The following IMMP2L variants were observed in gnomAD, a reference collection of about 807,000 sequenced individuals.
IMMP2L encodes inner mitochondrial membrane peptidase subunit 2.
IMMP2L carries 18 observed loss-of-function variants against 19.3 expected under a neutral mutation model. That is an observed-to-expected ratio of 0.93 (90% CI 0.64 to 1.38). The LOEUF is 1.38. Ranked by LOEUF, IMMP2L falls within the 40% of genes most tolerant of loss-of-function variation. The pLI is 0.00. For missense variants in IMMP2L, 233 were observed against 218.2 expected (o/e 1.07, Z -0.43); for synonymous variants, 76 against 73.0 (o/e 1.04, Z -0.21).
At chr7:111,534,541 TA>T (rs1197977333) in intron 1 of IMMP2L, among the ~76,000 whole-genome samples, 4 of 152,170 alleles carry the variant, frequency 2.6e-5, no homozygotes, top group African/African-American at 9.6e-5. Context: ...AATTTCACTT[TA>T]TGCTTTATAT....
At chr7:110,692,142 T>C (rs1159450192) in intron 5 of IMMP2L, among the ~76,000 whole-genome samples, 2 of 152,124 alleles carry the variant, frequency 1.3e-5, no homozygotes, top group African/African-American at 4.8e-5. Context: ...CACCATGGAA[T>C]ACTACTCAGC....
chr7:111,332,975 G>C (rs1381562107), intron 3 of IMMP2L, among the ~76,000 whole-genome samples: 1 of 152,022 alleles, frequency 6.6e-6, no homozygotes, highest in African/African-American at 2.4e-5. Context: ...AGATCCCTTA[G>C]GGTGTCTCTT....
chr7:111,269,522 T>G (rs1818216660), intron 3 of IMMP2L, among the ~76,000 whole-genome samples: 1 of 152,132 alleles, frequency 6.6e-6, no homozygotes, highest in Non-Finnish European at 1.5e-5. Context: ...ATCTTATAAT[T>G]AAAAAATAAA....
chr7:111,018,990 C>G (rs1382031672), intron 3 of IMMP2L, among the ~76,000 whole-genome samples: 1 of 151,976 alleles, frequency 6.6e-6, no homozygotes, highest in Admixed American at 6.6e-5. Flanking sequence ...CATATTCAAG[C>G]TAGCTAGGGG....
intron 5 of IMMP2L, among the ~76,000 whole-genome samples, chr7:110,729,379 C>T (rs990461049): frequency 2.0e-5 from 3 of 152,066 alleles, no homozygotes; most frequent in African/African-American, 4.8e-5. Flanking sequence ...GGAGAAACTG[C>T]CAAACACTTT....
chr7:110,751,042 A>T (rs1384497283), intron 5 of IMMP2L, among the ~76,000 whole-genome samples: 1 of 152,028 alleles, frequency 6.6e-6, no homozygotes, highest in Non-Finnish European at 1.5e-5. Context: ...AAGAAGATAA[A>T]CCTTTTCAGT....
At chr7:111,086,386 T>C (rs982741558) in intron 3 of IMMP2L, among the ~76,000 whole-genome samples, 1 of 151,892 alleles carries the variant, frequency 6.6e-6, no homozygotes, top group African/African-American at 2.4e-5. Flanking sequence ...GTTATTGCAG[T>C]GAACTATGAT....
intron 3 of IMMP2L, among the ~76,000 whole-genome samples, chr7:111,290,262 T>A (rs2129639166): frequency 6.6e-6 from 1 of 152,310 alleles, no homozygotes. Flanking sequence ...GTGGGGCTGT[T>A]GAATCCTTTC....
At chr7:111,336,663 A>G (rs915305728) in intron 3 of IMMP2L, among the ~76,000 whole-genome samples, 2 of 151,932 alleles carry the variant, frequency 1.3e-5, no homozygotes, top group African/African-American at 2.4e-5. Flanking sequence ...CATTCTGCCT[A>G]TTTTGTTATA....
At chr7:110,721,701 T>C (rs867194852) in intron 5 of IMMP2L, among the ~76,000 whole-genome samples, 2 of 152,166 alleles carry the variant, frequency 1.3e-5, no homozygotes, top group African/African-American at 4.8e-5. Flanking sequence ...AGAATGGAAA[T>C]CTTTGCTACT....
chr7:110,944,865 A>C (rs1461882730), intron 4 of IMMP2L, among the ~76,000 whole-genome samples: 1 of 151,892 alleles, frequency 6.6e-6, no homozygotes, highest in Non-Finnish European at 1.5e-5. Context: ...AATGTACTAT[A>C]ATGTCCTTAA....
intron 3 of IMMP2L, among the ~76,000 whole-genome samples, chr7:111,110,140 A>G (rs117258951): frequency 1.4e-3 from 207 of 152,322 alleles, no homozygotes; most frequent in Middle Eastern, 3.4e-3. Flanking sequence ...GTCTCAAAAA[A>G]TAAAGTCTTT....
intron 3 of IMMP2L, among the ~76,000 whole-genome samples, chr7:111,053,829 A>C (rs959577738): frequency 6.6e-6 from 1 of 152,214 alleles, no homozygotes; most frequent in Non-Finnish European, 1.5e-5. Context: ...ACAAGACTTA[A>C]CAAGAAGGAA....
chr7:110,773,069 T>C (rs1203728810), intron 5 of IMMP2L, among the ~76,000 whole-genome samples: 11 of 151,998 alleles, frequency 7.2e-5, no homozygotes, highest in African/African-American at 2.4e-4. Context: ...CCCAAGGCAA[T>C]GTATAAATTC....
At chr7:111,482,941 G>A (rs1026694181) in intron 3 of IMMP2L, among the ~76,000 whole-genome samples, 10 of 152,186 alleles carry the variant, frequency 6.6e-5, no homozygotes, top group African/African-American at 2.2e-4. Flanking sequence ...ATATACTGAA[G>A]GTGACTAAAG....
chr7:110,883,431 A>C (rs1316387824), intron 5 of IMMP2L, among the ~76,000 whole-genome samples: 1 of 152,158 alleles, frequency 6.6e-6, no homozygotes, highest in East Asian at 1.9e-4. Flanking sequence ...GGTATCAATG[A>C]AAAAAGTGAT....
At chr7:110,814,715 A>G (rs1802334532) in intron 5 of IMMP2L, among the ~76,000 whole-genome samples, 1 of 148,820 alleles carries the variant, frequency 6.7e-6, no homozygotes, top group African/African-American at 2.4e-5. Flanking sequence ...ATATATATAT[A>G]TATGTATATA....
In IMMP2L at chr7:110,863,609, T is replaced by C. The variant is rs145622344; in HGVS notation, c.408+22984A>G. Among the ~76,000 whole-genome samples, 6 of 152,202 alleles carry C rather than the reference T, an allele frequency of 3.9e-5. No homozygotes were observed. In the East Asian group the frequency reaches 9.7e-4, roughly 25 times the overall value. On this transcript the variant is annotated intron_variant, in intron 5 of 5. Transcript: ENST00000405709. The stretch of plus-strand genomic sequence containing the variant: ...AGATGGTGGCACTCTCTCTCAATAG[T>C]GGCAATGAGCCATAGGTCCCAGACA...
intron 3 of IMMP2L, among the ~76,000 whole-genome samples, chr7:110,972,849 G>A (rs1820289790): frequency 6.6e-6 from 1 of 152,078 alleles, no homozygotes; most frequent in Non-Finnish European, 1.5e-5. Context: ...CTTCAAAGTT[G>A]CTATGTTAGG....
Sources: allele counts gnomAD v4.1 joint callset (sites outside exome capture counted in the v4.1 genomes callset), GRCh38; gene constraint gnomAD v4.1.1; transcripts MANE v1.5; gene names NCBI Gene and HGNC (gene_info 2026-07-23, HGNC 2026-07-21).